Variants in HEATR5B observed in about 807,000 individuals in gnomAD.
The protein encoded by HEATR5B is HEAT repeat-containing protein 5B.
HEATR5B carries 156 observed loss-of-function variants against 224.1 expected under a neutral mutation model. The ratio of observed to expected loss-of-function variants is 0.70; its 90% CI spans 0.61 to 0.80. The LOEUF (loss-of-function observed/expected upper bound fraction) is 0.80. Among genes scored for constraint, HEATR5B ranks in the 30% least tolerant of loss-of-function variants. HEATR5B has a pLI of 0.00. For synonymous variants in HEATR5B, 1,027 were observed against 893.0 expected (o/e 1.15, Z -2.68); for missense variants, 2,323 against 2,535.5 (o/e 0.92, Z 1.80).
chr2:37,035,073 A>C (rs1464312618), intron 21 of HEATR5B, among the ~76,000 whole-genome samples: 1 of 152,234 alleles, frequency 6.6e-6, no homozygotes, highest in Non-Finnish European at 1.5e-5. Flanking sequence ...ATGGTAAAAC[A>C]TATATGGAGA....
chr2:37,007,923 T>C (rs753677396), intron 28 of HEATR5B, among the ~76,000 whole-genome samples: 189 of 152,338 alleles, frequency 1.2e-3, no homozygotes, highest in Non-Finnish European at 2.3e-3. Context: ...AACCCTATCA[T>C]CTTCTCTTTC....
Position 37,045,971 on chromosome 2 carries a change from C to T in HEATR5B, c.2696+3682G>A, listed in dbSNP as rs147099892. ...GGTAAATACAGTCCCTGTTATTCCA[C>T]CACTAATGGCAGTTAAAGTCCTGTA... On this transcript the variant is annotated intron_variant, in intron 18 of 35. Coordinates refer to ENST00000233099, the MANE Select transcript of HEATR5B (RefSeq NM_019024.3). Among the ~76,000 whole-genome samples, 65 of 152,254 alleles carry T rather than the reference C, an allele frequency of 4.3e-4. No homozygotes were observed. The South Asian group carries it at 0.013, about 31-fold the overall frequency.
Position 37,079,130 on chromosome 2 carries a change from G to C in HEATR5B, c.328C>G (p.Pro110Ala), listed in dbSNP as rs1243281168. ...RNKDDTAAYLPTKLAAVACVG... is the reference protein window; with the variant it reads ...RNKDDTAAYLATKLAAVACVG... ...AAAGTAAGTACTTACAATTTTGTTGGTAAGTAGGCCGCAGTGTCATCTTTA... is the reference window on the plus strand; with the variant it reads ...AAAGTAAGTACTTACAATTTTGTTGCTAAGTAGGCCGCAGTGTCATCTTTA... The change falls in exon 3 of 36, where the codon CCA (proline) becomes GCA (alanine). Residue 110 changes from proline (P) to alanine (A), a missense_variant. Coordinates refer to ENST00000233099, the MANE Select transcript of HEATR5B (RefSeq NM_019024.3). The C allele has an allele frequency of 1.9e-6, 3 of 1,593,168 alleles. No homozygotes were observed. In the South Asian group the frequency reaches 3.4e-5, roughly 18 times the overall value.
intron 24 of HEATR5B, among the ~76,000 whole-genome samples, chr2:37,026,574 C>A (rs1308035358): frequency 6.6e-6 from 1 of 152,192 alleles, no homozygotes; most frequent in Non-Finnish European, 1.5e-5. Flanking sequence ...CACGCCATAA[C>A]TATTTGACTG....
In HEATR5B at chr2:36,981,502, T is replaced by G. The variant is rs1022072187; in HGVS notation, c.6204A>C (p.Thr2068=). Residue 2068 remains threonine (T), a synonymous_variant, in exon 36 of 36, where the codon ACA becomes ACC. Transcript: ENST00000233099. ...IHSAPTIKLK[T]SFF is the part of the protein sequence containing the mutation. ...ATGAAATTACAAATTAAAAAAAACT[T>G]GTTTTTAGCTTAATTGTTGGTGCAG... 1.3e-6 allele frequency: 2 copies of G among 1,592,268 alleles called. No individual in the cohort carries two copies. The highest frequency in any genetic ancestry group is 2.7e-5 in the African/African-American group (2 of 73,692).
chr2:37,011,534 G>C (rs10167453), intron 27 of HEATR5B, among the ~76,000 whole-genome samples: 24,531 of 152,048 alleles, frequency 0.16, 2,201 homozygotes, highest in African/African-American at 0.19. Flanking sequence ...CTCAATTTCT[G>C]GGTTTTCATA....
intron 35 of HEATR5B, among the ~76,000 whole-genome samples, chr2:36,988,165 A>G (rs1208347096): frequency 6.6e-6 from 1 of 152,234 alleles, no homozygotes; most frequent in Non-Finnish European, 1.5e-5. Flanking sequence ...GCTGTGTTGA[A>G]ATGCCATTGG....
rs114029009 is a variant in HEATR5B, at chr2:37,005,573, T to C, written c.4905+59A>G. Reference sequence around the variant, plus strand: ...GAAAAAAAATCCATCCTTTTTTCCATTGTAAAGCAATACTCAAAAAAAAAC... The same window carrying C: ...GAAAAAAAATCCATCCTTTTTTCCACTGTAAAGCAATACTCAAAAAAAAAC... On this transcript the variant is annotated intron_variant, in intron 30 of 35. Coordinates refer to ENST00000233099, the MANE Select transcript of HEATR5B (RefSeq NM_019024.3). 1,889 of 1,515,896 alleles carry C rather than the reference T, an allele frequency of 1.2e-3. 24 individuals are homozygous for C. The African/African-American group carries it at 0.023, about 19-fold the overall frequency. The allele number at this position is 1,515,896 out of a possible 1,614,324, so 93.9% of individuals were successfully genotyped here.
chr2:36,996,561 C>T (rs915824006), intron 33 of HEATR5B, among the ~76,000 whole-genome samples: 2 of 151,590 alleles, frequency 1.3e-5, no homozygotes, highest in African/African-American at 2.4e-5. Context: ...GAATTACAGG[C>T]ACCTGCCACC....
At chr2:37,074,964 T>C (rs1366896187) in intron 5 of HEATR5B, among the ~76,000 whole-genome samples, 1 of 152,230 alleles carries the variant, frequency 6.6e-6, no homozygotes, top group Admixed American at 6.5e-5. Context: ...ACACTGCTAG[T>C]AGAAATGCAG....
intron 27 of HEATR5B, 111 bp downstream of exon 27, chr2:37,013,730 C>T (rs1667936076): frequency 1.3e-6 from 1 of 761,246 alleles, no homozygotes; most frequent in Admixed American, 2.8e-5. Flanking sequence ...TATTCCATAT[C>T]AAGGGTTAGT....
At chr2:36,996,049 C>G (rs1666681323) in intron 33 of HEATR5B, among the ~76,000 whole-genome samples, 2 of 148,820 alleles carry the variant, frequency 1.3e-5, no homozygotes, top group Non-Finnish European at 3.0e-5. Context: ...CTGCGCTCAA[C>G]TAAATAATGC....
At chr2:37,047,846 C>A (rs1402898493) in intron 18 of HEATR5B, among the ~76,000 whole-genome samples, 2 of 152,114 alleles carry the variant, frequency 1.3e-5, no homozygotes, top group Non-Finnish European at 2.9e-5. Context: ...TGAAGTTTTT[C>A]CAAAATACAG....
In HEATR5B at chr2:37,002,258, T is replaced by A. The variant is rs774363435; in HGVS notation, c.5317+48A>T. 9 of 1,592,598 alleles carry A rather than the reference T, an allele frequency of 5.7e-6. No homozygotes were observed. The African/African-American group carries it at 1.1e-4, about 19-fold the overall frequency. On this transcript the variant is annotated intron_variant, in intron 32 of 35. Coordinates refer to ENST00000233099, the MANE Select transcript of HEATR5B (RefSeq NM_019024.3). ...CTTAAAATCAAAGGCAAGCTCATCT[T>A]TGTCTACTGTAATATAATGCATTTC...
chr2:37,000,680 T>A lies in HEATR5B; in HGVS notation c.5451A>T (p.Thr1817=). 1 of 1,614,198 alleles carries A rather than the reference T, an allele frequency of 6.2e-7. No homozygotes were observed. The highest frequency in any genetic ancestry group is 8.5e-7 in the Non-Finnish European group (1 of 1,180,030). The stretch of plus-strand genomic sequence containing the variant: ...CAGCCTCAGTTTTGGCCATTGAAAG[T>A]GTCACAATACTTTTAATCCCTTGAA... ...AALQGIKSIV[T]LSMAKTEAGV... is the part of the protein sequence containing the mutation. The change falls in exon 33 of 36, where the codon ACA becomes ACT. Residue 1817 remains threonine (T), a synonymous_variant. Coordinates refer to ENST00000233099, the MANE Select transcript of HEATR5B (RefSeq NM_019024.3).
In HEATR5B at chr2:36,981,705, C is replaced by A. The variant is rs1665592326; in HGVS notation, c.6001G>T (p.Asp2001Tyr). 1.2e-6 allele frequency: 2 copies of A among 1,613,906 alleles called. No homozygotes were observed. The highest frequency in any genetic ancestry group is 1.3e-5 in the African/African-American group (1 of 74,892). Residue 2001 changes from aspartate (D) to tyrosine (Y), a missense_variant, in exon 36 of 36, where the codon GAT becomes TAT. Asp to Tyr is a radical substitution (Grantham distance 160). Around this residue, in one of 12 missense-constraint regions of HEATR5B, gnomAD observed 844 missense variants for 812.9 expected, o/e 1.04. Transcript: ENST00000233099. ...TTCTGGAGTGCAAACTCATGAAGAT[C>A]TTTGGAAGCTGAACTTGCTGAGGCA... ...SFASASSASK[D>Y]LHEFALQNLM...
At chr2:36,999,708 C>A (rs960919409) in intron 33 of HEATR5B, among the ~76,000 whole-genome samples, 1 of 151,532 alleles carries the variant, frequency 6.6e-6, no homozygotes, top group Non-Finnish European at 1.5e-5. Context: ...GAGAGATATA[C>A]ATGTATATAT....
At chr2:37,065,462 C>G (rs937030280) in intron 9 of HEATR5B, among the ~76,000 whole-genome samples, 19 of 152,010 alleles carry the variant, frequency 1.2e-4, no homozygotes, top group Non-Finnish European at 2.4e-4. Context: ...GCACGTGTCA[C>G]CACAGCTGGC....
At chr2:37,036,361 C>A (rs1000632310) in intron 21 of HEATR5B, among the ~76,000 whole-genome samples, 2 of 152,210 alleles carry the variant, frequency 1.3e-5, no homozygotes, top group African/African-American at 4.8e-5. Flanking sequence ...ATCACACTAA[C>A]TAATTGGCTC....
Sources: gnomAD v4.1 joint callset for allele counts (sites outside exome capture counted in the v4.1 genomes callset) on GRCh38, gnomAD v4.1.1 for gene constraint, gnomAD v4.1.1 regional missense constraint, MANE v1.5 for transcripts, NCBI Gene and HGNC (gene_info 2026-07-23, HGNC 2026-07-21) for gene names.